The following SEMA7A variants were observed in gnomAD, a reference collection of about 807,000 sequenced individuals.
SEMA7A encodes the protein semaphorin 7A (JohnMiltonHagen blood group).
A neutral mutation model predicts 67.5 loss-of-function variants in SEMA7A; 21 were observed. That is an observed-to-expected ratio of 0.31 (90% confidence interval 0.22 to 0.45). The LOEUF (loss-of-function observed/expected upper bound fraction) is 0.45, where lower values mean the gene tolerates loss of function less well. Among genes scored for constraint, SEMA7A ranks in the 20% least tolerant of loss-of-function variants. SEMA7A has a pLI of 1.00. For synonymous variants in SEMA7A, 364 were observed against 368.5 expected, an observed-to-expected ratio of 0.99 and a Z score of 0.14; for missense variants, 774 against 908.6, an observed-to-expected ratio of 0.85 and a Z score of 1.90.
rs1248605646 is a variant in SEMA7A, at chr15:74,414,359, CT to C, written c.1294+187del. Among the ~76,000 whole-genome samples, 2 of 152,336 alleles carry C rather than the reference CT, an allele frequency of 1.3e-5. No homozygotes were observed. The highest frequency in any genetic ancestry group is 2.1e-4 in the South Asian group (1 of 4,826). On this transcript the variant is annotated intron_variant, in intron 10 of 13. Coordinates refer to ENST00000261918, the MANE Select transcript of SEMA7A (RefSeq NM_003612.5). This position sits in a 1 kb window ranked among gnomAD's most constrained non-coding sequence, Gnocchi z 4.1. The stretch of plus-strand genomic sequence containing the variant: ...TCCCATCCCCCTTTCCCTCTTGCCC[CT>C]ACCTCCTCCAGGAAGCTCTCCCTGC...
chr15:74,420,493 C>G (rs2060991327), intron 1 of SEMA7A, among the ~76,000 whole-genome samples: 1 of 152,180 alleles, frequency 6.6e-6, no homozygotes, highest in African/African-American at 2.4e-5. Context: ...TGGTGCACAT[C>G]ACAAACAGCC....
chr15:74,430,176 G>A lies in SEMA7A; in HGVS notation c.178+3565C>T, dbSNP rs530515573. 3.3e-5 allele frequency among the ~76,000 whole-genome samples: 5 copies of A among 152,276 alleles called. No individual in the cohort carries two copies. The East Asian group carries it at 9.7e-4, about 29-fold the overall frequency. On this transcript the variant is annotated intron_variant, in intron 1 of 13. Transcript: ENST00000261918. ...AATATGTCCACCCTTGAGGGCACAT[G>A]CTGATGATCCATTTCCTCCAAATGA...
At chr15:74,422,055 C>G (rs1000311219) in intron 1 of SEMA7A, among the ~76,000 whole-genome samples, 10 of 152,132 alleles carry the variant, frequency 6.6e-5, no homozygotes, top group Non-Finnish European at 8.8e-5. Context: ...GTATGGAGGA[C>G]AGAGGCCATG....
chr15:74,433,035 C>A (rs1478061061), intron 1 of SEMA7A, among the ~76,000 whole-genome samples: 1 of 152,178 alleles, frequency 6.6e-6, no homozygotes, highest in Admixed American at 6.5e-5. Flanking sequence ...ACCCAACGGG[C>A]ACTGCCCCCC....
Position 74,433,747 on chromosome 15 carries a change from A to C in SEMA7A, c.172T>G (p.Trp58Gly). The C allele has an allele frequency of 6.9e-7, 1 of 1,442,408 alleles. No individual in the cohort carries two copies. The highest frequency in any genetic ancestry group is 9.1e-7 in the Non-Finnish European group (1 of 1,103,348). The allele number at this position is 1,442,408 out of a possible 1,614,324, so 89.4% of individuals were successfully genotyped here. A position where few individuals can be genotyped will look rare whatever the true frequency, so the allele number is the denominator to read the frequency against. ...LRSGPRIFAV[W>G]KGHVGQDRVD... Reference sequence around the variant, plus strand: ...GCCGCGCGGCGCCGCCTACCTTTCCAGACGGCGAAGATGCGGGGTCCGCTC... The same window carrying C: ...GCCGCGCGGCGCCGCCTACCTTTCCCGACGGCGAAGATGCGGGGTCCGCTC... The change falls in exon 1 of 14, where the codon TGG (tryptophan) becomes GGG (glycine). Residue 58 changes from tryptophan to glycine, a missense_variant. Transcript: ENST00000261918.
chr15:74,416,182 A>G (rs2060946578), intron 7 of SEMA7A, among the ~76,000 whole-genome samples, 197 bp from the exon 8 acceptor site: 2 of 152,116 alleles, frequency 1.3e-5, no homozygotes, highest in South Asian at 4.1e-4. Flanking sequence ...GGCCTGGCTG[A>G]TCCAGAGCCC....
At position 74,417,371 on chromosome 15, in the gene SEMA7A, C is replaced by T. The variant is rs767503529; in HGVS notation, c.625G>A (p.Glu209Lys). 8 of 1,614,042 alleles carry T rather than the reference C, an allele frequency of 5.0e-6. No individual in the cohort carries two copies. Among genetic ancestry groups the T allele is most frequent in the South Asian group, 1.1e-5 (1 of 91,084 alleles). Residue 209 changes from glutamate to lysine, a missense_variant, in exon 6 of 14, where the codon GAG (glutamate) becomes AAG (lysine). Around this residue, in one of 2 missense-constraint regions of SEMA7A, gnomAD observed 347 missense variants for 353.2 expected, o/e 0.98. Coordinates refer to ENST00000261918, the MANE Select transcript of SEMA7A (RefSeq NM_003612.5). ...GTATCACTGGTGTACAGCTCACTCTCGCCCCGGATGCGGCGGAACCGAGGG... is the reference window on the plus strand; with the variant it reads ...GTATCACTGGTGTACAGCTCACTCTTGCCCCGGATGCGGCGGAACCGAGGG... ...KIPRFRRIRG[E>K]SELYTSDTVM...
chr15:74,411,732 G>A lies in SEMA7A; in HGVS notation c.1423-22C>T. 1 of 1,611,028 alleles carries A rather than the reference G, an allele frequency of 6.2e-7. No homozygotes were observed. Among genetic ancestry groups the A allele is most frequent in the Non-Finnish European group, 8.5e-7 (1 of 1,179,718 alleles). ...TCCTCTGGAAGGACAGCAGGATTGG[G>A]TCAGGCCCGGGCCCCACCCCACACT... On this transcript the variant is annotated intron_variant, in intron 11 of 13. Coordinates refer to ENST00000261918, the MANE Select transcript of SEMA7A (RefSeq NM_003612.5). This position sits in a 1 kb window ranked among gnomAD's most constrained non-coding sequence, Gnocchi z 4.4.
chr15:74,416,046 C>A, intron 7 of SEMA7A, 61 bp from the exon 8 acceptor site: 1 of 1,522,648 alleles, frequency 6.6e-7, no homozygotes, highest in South Asian at 1.2e-5. Context: ...CCACACACCC[C>A]AGGAAACCAC....
Position 74,418,805 on chromosome 15 carries a change from C to A in SEMA7A, c.326G>T (p.Arg109Leu), listed in dbSNP as rs376340979. ...DFPEGKNASV[R>L]TVNIGSTKGS... ...TGGGGGAAGAGAGAGGCTCACCGTG[C>A]GCACAGATGCGTTCTTGCCCTCGGG... Residue 109 changes from arginine to leucine, a missense_variant, in exon 2 of 14, where the codon CGC (arginine) becomes CTC (leucine). By Grantham distance (102) the Arg-to-Leu change is moderately radical. Around this residue, in one of 2 missense-constraint regions of SEMA7A, gnomAD observed 347 missense variants for 353.2 expected, o/e 0.98. Coordinates refer to ENST00000261918, the MANE Select transcript of SEMA7A (RefSeq NM_003612.5). The A allele has an allele frequency of 2.8e-5, 45 of 1,613,386 alleles. No individual in the cohort carries two copies. The highest frequency in any genetic ancestry group is 3.1e-5 in the Non-Finnish European group (37 of 1,179,816).
At chr15:74,424,806 A>G (rs2061030159) in intron 1 of SEMA7A, among the ~76,000 whole-genome samples, 1 of 152,214 alleles carries the variant, frequency 6.6e-6, no homozygotes, top group African/African-American at 2.4e-5. Flanking sequence ...CAGGACAAAC[A>G]TCATGTCCCA....
At chr15:74,422,144 G>A (rs1240205967) in intron 1 of SEMA7A, among the ~76,000 whole-genome samples, 1 of 152,054 alleles carries the variant, frequency 6.6e-6, no homozygotes, top group Non-Finnish European at 1.5e-5. Context: ...GAGGGAAGAT[G>A]CAGCCTGTCC....
chr15:74,417,826 C>G, intron 4 of SEMA7A, 51 bp downstream of exon 4: 1 of 1,590,054 alleles, frequency 6.3e-7, no homozygotes, highest in Non-Finnish European at 8.6e-7. Context: ...GGGCAGAAGC[C>G]CACGCAGTAG....
rs2060899184 is a variant in SEMA7A, at chr15:74,411,430, G to A, written c.1578-74C>T. On this transcript the variant is annotated intron_variant, in intron 12 of 13. Transcript: ENST00000261918. This position sits in a 1 kb window ranked among gnomAD's most constrained non-coding sequence, Gnocchi z 4.4. ...CTGACCCTCCTATCCTTACCCCAGT[G>A]CAGTTCCAGCAGAGAGGAGGGTCCC... The A allele has an allele frequency of 3.8e-6, 6 of 1,562,534 alleles. No homozygotes were observed. The highest frequency in any genetic ancestry group is 5.2e-6 in the Non-Finnish European group (6 of 1,149,590).
chr15:74,415,233 C>A (rs1008734949), intron 8 of SEMA7A, among the ~76,000 whole-genome samples: 1 of 152,174 alleles, frequency 6.6e-6, no homozygotes, highest in Non-Finnish European at 1.5e-5. Flanking sequence ...CTAGCCCTCC[C>A]TGGGCACAGG....
intron 1 of SEMA7A, among the ~76,000 whole-genome samples, chr15:74,421,786 G>C (rs2061002401): frequency 1.3e-5 from 2 of 152,220 alleles, no homozygotes; most frequent in African/African-American, 2.4e-5. Context: ...CAGGAGGGCT[G>C]CCTGGAAGTG....
chr15:74,420,796 G>T (rs922895215), intron 1 of SEMA7A, among the ~76,000 whole-genome samples: 6 of 152,126 alleles, frequency 3.9e-5, no homozygotes, highest in Non-Finnish European at 5.9e-5. Flanking sequence ...ACAGTCTGCC[G>T]CCCCAACTCC....
At chr15:74,417,254 C>T in intron 6 of SEMA7A, 81 bp downstream of exon 6, 2 of 1,145,574 alleles carry the variant, frequency 1.7e-6, no homozygotes, top group Non-Finnish European at 2.6e-6. Context: ...GGAGCCCTCC[C>T]AGAAACATCA....
rs1466230742 is a variant in SEMA7A, at chr15:74,414,613, T to C, written c.1228A>G (p.Lys410Glu). The change falls in exon 10 of 14, where the codon AAA becomes GAA. Residue 410 changes from lysine to glutamate, a missense_variant. Physicochemically the swap from Lys to Glu is moderately conservative, Grantham distance 56. Around this residue, in one of 2 missense-constraint regions of SEMA7A, gnomAD observed 427 missense variants for 555.4 expected, o/e 0.77. Transcript: ENST00000261918. This position sits in a 1 kb window ranked among gnomAD's most constrained non-coding sequence, Gnocchi z 4.1. ...GCTTGCATGCGGTGGACGGCCACTT[T>C]CTGGTAGTGGTATTTAGAGTGGAAC... ...PLFHSKYHYQ[K>E]VAVHRMQASH... 1.9e-6 allele frequency: 3 copies of C among 1,614,146 alleles called. No individual in the cohort carries two copies. Among genetic ancestry groups the C allele is most frequent in the Admixed American group, 1.7e-5 (1 of 60,032 alleles).
Sources: allele counts gnomAD v4.1 joint callset (sites outside exome capture counted in the v4.1 genomes callset), GRCh38; gene constraint gnomAD v4.1.1; regional missense constraint gnomAD v4.1.1; non-coding constraint Gnocchi (gnomAD v3.1); transcripts MANE v1.5; gene names NCBI Gene and HGNC (gene_info 2026-07-23, HGNC 2026-07-21).